Variants in DEFB121 observed in about 807,000 individuals in gnomAD.
The protein encoded by DEFB121 is beta-defensin 121.
DEFB121 carries 5 observed loss-of-function variants against 2.5 expected under a neutral mutation model. The ratio of observed to expected loss-of-function variants is 1.96; its 90% CI spans 1.03 to 4.13. The LOEUF is 4.13. Ranked by LOEUF, DEFB121 falls within the 30% of genes most tolerant of loss-of-function variation. DEFB121 has a pLI of 0.00. For synonymous variants in DEFB121, 39 were observed against 32.6 expected, an observed-to-expected ratio of 1.20 and a Z score of -0.67; for missense variants, 87 against 85.0, an observed-to-expected ratio of 1.02 and a Z score of -0.09.
upstream of DEFB121, among the ~76,000 whole-genome samples, chr20:31,407,181 C>T (rs138125093): frequency 1.3e-5 from 2 of 150,790 alleles, no homozygotes; most frequent in Non-Finnish European, 3.0e-5. Context: ...ATCCGGGAGG[C>T]GGAGGTTGCA....
chr20:31,411,052 C>A (rs1039130954), upstream of DEFB121, among the ~76,000 whole-genome samples: 14 of 152,182 alleles, frequency 9.2e-5, no homozygotes, highest in African/African-American at 3.4e-4. Context: ...CAGAATAAGG[C>A]TGCCTAATAA....
At chr20:31,415,474 T>C (rs564921034), upstream of DEFB121, among the ~76,000 whole-genome samples, 14 of 152,210 alleles carry the variant, frequency 9.2e-5, no homozygotes, top group South Asian at 2.9e-3. Context: ...GGTCTCAAAC[T>C]CTTGACCTCA....
intron 1 of DEFB121, 61 bp downstream of exon 1, chr20:31,406,034 G>C (rs1034713013): frequency 6.9e-6 from 11 of 1,590,500 alleles, no homozygotes; most frequent in Non-Finnish European, 8.6e-6. Context: ...AGAGTCCCCA[G>C]AGTTCTCTGA....
upstream of DEFB121, among the ~76,000 whole-genome samples, chr20:31,416,269 C>G (rs1978802582): frequency 6.6e-6 from 1 of 152,158 alleles, no homozygotes; most frequent in South Asian, 2.1e-4. Flanking sequence ...CCATGTTAGC[C>G]AGGCTGGTCT....
At chr20:31,412,698 C>T (rs1978698230) in exon 1 of DEFB121, 2 of 1,288,102 alleles carry the variant, frequency 1.6e-6, no homozygotes, top group African/African-American at 1.5e-5. Context: ...ATTGTCAACA[C>T]AGTCAACGCT....
At chr20:31,412,953 A>C (rs1166422450), upstream of DEFB121, 2 of 228,656 alleles carry the variant, frequency 8.7e-6, no homozygotes, top group Non-Finnish European at 1.7e-5. Context: ...CCCTTTTCCC[A>C]GCTCTCCTTG....
chr20:31,418,057 G>C, the DEFB121 span, among the ~76,000 whole-genome samples: 2,165 of 150,450 alleles, frequency 0.014, 26 homozygotes, highest in Non-Finnish European at 0.02. Flanking sequence ...TCAGGAGATC[G>C]AGACCATCCC....
At chr20:31,409,454 G>A (rs1978595123), upstream of DEFB121, among the ~76,000 whole-genome samples, 1 of 152,144 alleles carries the variant, frequency 6.6e-6, no homozygotes, top group Non-Finnish European at 1.5e-5. Flanking sequence ...TGAACCTAAA[G>A]AGCAAGCTGG....
chr20:31,416,249 T>TG (rs1453370557), upstream of DEFB121, among the ~76,000 whole-genome samples: 2 of 151,990 alleles, frequency 1.3e-5, no homozygotes, highest in Non-Finnish European at 2.9e-5. Flanking sequence ...TTAGTAGAGA[T>TG]GGGGTTCCAC....
upstream of DEFB121, among the ~76,000 whole-genome samples, chr20:31,409,143 A>G (rs1243270119): frequency 1.3e-5 from 2 of 152,216 alleles, no homozygotes; most frequent in Non-Finnish European, 2.9e-5. Flanking sequence ...AAAAAATAAA[A>G]TAAACAAAAT....
At position 31,404,970 on chromosome 20, in the gene DEFB121, A is replaced by G; in HGVS notation, c.174T>C (p.Pro58=). The G allele has an allele frequency of 6.2e-7, 1 of 1,613,984 alleles. No homozygotes were observed. The highest frequency in any genetic ancestry group is 8.5e-7 in the Non-Finnish European group (1 of 1,179,984). The part of the protein sequence containing the change: ...AKCCVDPKYV[P]VKPKLTDTNT... The stretch of plus-strand genomic sequence containing the variant: ...TTGTGTCTGTTAATTTTGGTTTTAC[A>G]GGTACATACTTGGGATCCACACAGC... Residue 58 remains proline (P), a synonymous_variant, in exon 2 of 2, where the codon CCT becomes CCC. Coordinates refer to ENST00000376314, the MANE Select transcript of DEFB121 (RefSeq NM_001011878.3).
At chr20:31,410,324 A>G (rs2122357006), upstream of DEFB121, among the ~76,000 whole-genome samples, 1 of 152,278 alleles carries the variant, frequency 6.6e-6, no homozygotes, top group African/African-American at 2.4e-5. Flanking sequence ...ACATGTGAAC[A>G]TAAAGAGGGG....
At chr20:31,418,259 C>CAATAAAAAAAAAAA in the DEFB121 span, among the ~76,000 whole-genome samples, 1 of 82,922 alleles carries the variant, frequency 1.2e-5, no homozygotes, top group Non-Finnish European at 2.5e-5. Flanking sequence ...GACTCCGTCT[C>CAATAAAAAAAAAAA]AAAAAAAAAA....
chr20:31,415,399 GC>G (rs548611491), upstream of DEFB121, among the ~76,000 whole-genome samples: 178 of 152,120 alleles, frequency 1.2e-3, 1 homozygote, highest in African/African-American at 4.0e-3. Context: ...ACAGGCACCA[GC>G]CACCATGCCT....
At chr20:31,410,086 A>C (rs551091500), upstream of DEFB121, among the ~76,000 whole-genome samples, 1 of 152,380 alleles carries the variant, frequency 6.6e-6, no homozygotes, top group Admixed American at 6.5e-5. Flanking sequence ...TAGTTTTTAA[A>C]ATAAGCAACA....
upstream of DEFB121, among the ~76,000 whole-genome samples, chr20:31,417,504 G>A (rs2122369524): frequency 6.6e-6 from 1 of 152,160 alleles, no homozygotes; most frequent in East Asian, 1.9e-4. Flanking sequence ...TCCAACATAT[G>A]AAAAATAAGT....
At chr20:31,407,055 G>A (rs1259969344), upstream of DEFB121, among the ~76,000 whole-genome samples, 1 of 152,034 alleles carries the variant, frequency 6.6e-6, no homozygotes, top group Non-Finnish European at 1.5e-5. Flanking sequence ...AGACCATCCT[G>A]GCTAACTCAG....
chr20:31,413,324 T>A (rs960659362), upstream of DEFB121, among the ~76,000 whole-genome samples: 3 of 152,226 alleles, frequency 2.0e-5, no homozygotes, highest in African/African-American at 7.2e-5. Context: ...GTTTTCTAAA[T>A]AAATCAAATC....
At chr20:31,411,927 G>A (rs1978676204) in intron 1 of DEFB121, among the ~76,000 whole-genome samples, 1 of 152,204 alleles carries the variant, frequency 6.6e-6, no homozygotes, top group Non-Finnish European at 1.5e-5. Flanking sequence ...AGAAGATAGG[G>A]TGGTATCTGA....
Sources: gnomAD v4.1 joint callset for allele counts (sites outside exome capture counted in the v4.1 genomes callset) on GRCh38, gnomAD v4.1.1 for gene constraint, MANE v1.5 for transcripts, NCBI Gene and HGNC (gene_info 2026-07-23, HGNC 2026-07-21) for gene names.